DHX16: variants seen among roughly 807,000 people sequenced by gnomAD.
DHX16 encodes DEAH-box helicase 16.
A neutral mutation model predicts 131.2 loss-of-function variants in DHX16; 81 were observed. The observed-to-expected ratio is 0.62, with a 90% CI of 0.52 to 0.74. DHX16 has a LOEUF of 0.74. Ranked by LOEUF, DHX16 falls within the 30% of genes least tolerant of loss-of-function variation. The pLI is 0.00. For synonymous variants in DHX16, 440 were observed against 520.2 expected (o/e 0.85, Z 2.10); for missense variants, 980 against 1,363.1 (o/e 0.72, Z 4.43).
chr6:30,665,775 G>A lies in DHX16; in HGVS notation c.667-42C>T, dbSNP rs1379434401. On this transcript the variant is annotated intron_variant, in intron 4 of 19. Coordinates refer to ENST00000376442, the MANE Select transcript of DHX16 (RefSeq NM_003587.5). The surrounding 1 kb of genome is among the most constrained non-coding windows in gnomAD (Gnocchi z 4.8). ...CAGTCGAATCCTCATCTTGCTGGAGGAGCAACCCCTTTCTCTACCAATCCC... is the reference window on the plus strand; with the variant it reads ...CAGTCGAATCCTCATCTTGCTGGAGAAGCAACCCCTTTCTCTACCAATCCC... 2.5e-6 allele frequency: 4 copies of A among 1,584,504 alleles called. No homozygotes were observed. The highest frequency in any genetic ancestry group is 1.7e-4 in the Middle Eastern group (1 of 5,980).
chr6:30,655,367 T>G (rs781539950), intron 17 of DHX16, 31 bp from the exon 18 acceptor site: 3 of 1,613,630 alleles, frequency 1.9e-6, no homozygotes, highest in South Asian at 1.1e-5. Context: ...AAAGGAGAGA[T>G]AATTAAGTAT....
At position 30,664,995 on chromosome 6, in the gene DHX16, A is replaced by G. The variant is rs367757181; in HGVS notation, c.1126-3T>C. 1.1e-4 allele frequency: 174 copies of G among 1,613,724 alleles called. No homozygotes were observed. Among genetic ancestry groups the G allele is most frequent in the Non-Finnish European group, 1.4e-4 (165 of 1,179,822 alleles). Reference sequence around the variant, plus strand: ...GAAGTGGGTGGAGCTGACGGCTCCTAAGGAAAGAGAAGGAGGTGTGAGCTA... The same window carrying G: ...GAAGTGGGTGGAGCTGACGGCTCCTGAGGAAAGAGAAGGAGGTGTGAGCTA... On this transcript the variant is annotated splice_polypyrimidine_tract_variant and splice_region_variant and intron_variant, in intron 6 of 19. Coordinates refer to ENST00000376442, the MANE Select transcript of DHX16 (RefSeq NM_003587.5).
intron 4 of DHX16, among the ~76,000 whole-genome samples, chr6:30,667,321 G>A (rs1413973147): frequency 6.6e-6 from 1 of 152,088 alleles, no homozygotes; most frequent in Admixed American, 6.5e-5. Context: ...GGTGGCTCAC[G>A]CCTGTAATCC....
At chr6:30,664,736 C>T in intron 7 of DHX16, 65 bp downstream of exon 7, 1 of 1,415,022 alleles carries the variant, frequency 7.1e-7, no homozygotes, top group Non-Finnish European at 9.7e-7. Context: ...GTAAAAGGAG[C>T]TCTGACAGGA....
Position 30,653,189 on chromosome 6 carries a change from A to G in DHX16, c.*53T>C. On this transcript the variant is annotated 3_prime_UTR_variant, in exon 20 of 20. Coordinates refer to ENST00000376442, the MANE Select transcript of DHX16 (RefSeq NM_003587.5). ...AATAATTTTATTTAATAGGTATTAA[A>G]TAATGTATAGAAGGAAAAGGAGCTG... The G allele has an allele frequency of 1.3e-6, 2 of 1,575,074 alleles. No individual in the cohort carries two copies. Among genetic ancestry groups the G allele is most frequent in the Non-Finnish European group, 1.7e-6 (2 of 1,165,740 alleles).
At position 30,672,878 on chromosome 6, in the gene DHX16, C is replaced by T. The variant is rs1215661503; in HGVS notation, c.-37G>A. ...CTCCCTGCTCCCGGCCCTGAAGCGT[C>T]GGGCAGCCGCGCTCACTGCTGGGCC... On this transcript the variant is annotated 5_prime_UTR_variant, in exon 1 of 20. Coordinates refer to ENST00000376442, the MANE Select transcript of DHX16 (RefSeq NM_003587.5). The T allele has an allele frequency of 6.2e-7, 1 of 1,607,554 alleles. No individual in the cohort carries two copies. The highest frequency in any genetic ancestry group is 8.5e-7 in the Non-Finnish European group (1 of 1,177,246).
chr6:30,672,266 C>T (rs1769630953), intron 1 of DHX16, among the ~76,000 whole-genome samples: 1 of 151,526 alleles, frequency 6.6e-6, no homozygotes, highest in African/African-American at 2.4e-5. Context: ...CTGTAGTGAG[C>T]CGTGATCTTA....
At chr6:30,661,248 A>G (rs920197033) in intron 9 of DHX16, among the ~76,000 whole-genome samples, 2 of 152,054 alleles carry the variant, frequency 1.3e-5, no homozygotes, top group African/African-American at 4.8e-5. Context: ...ACGCCCAGCT[A>G]ATTTTTTATA....
At position 30,659,472 on chromosome 6, in the gene DHX16, C is replaced by A. The variant is rs1430871068; in HGVS notation, c.2007G>T (p.Lys669Asn). 9 of 1,587,012 alleles carry A rather than the reference C, an allele frequency of 5.7e-6. No homozygotes were observed. Among genetic ancestry groups the A allele is most frequent in the Admixed American group, 5.4e-5 (3 of 55,476 alleles). Reference sequence around the variant, plus strand: ...AAGAGTGTGGGTTTCTCCAACTGACCTTTCGTGCCCCAGGTGGTGTGGGCT... The same window carrying A: ...AAGAGTGTGGGTTTCTCCAACTGACATTTCGTGCCCCAGGTGGTGTGGGCT... ...IFQPTPPGARKVVVATNIAET... is the reference protein window; with the variant it reads ...IFQPTPPGARNVVVATNIAET... Residue 669 changes from lysine to asparagine, a missense_variant and splice_region_variant, in exon 12 of 20, where the codon AAG becomes AAT. Physicochemically the swap from Lys to Asn is moderately conservative, Grantham distance 94. Around this residue, in one of 3 missense-constraint regions of DHX16, gnomAD observed 309 missense variants for 537.1 expected, o/e 0.58. Coordinates refer to ENST00000376442, the MANE Select transcript of DHX16 (RefSeq NM_003587.5).
chr6:30,663,102 T>C, intron 7 of DHX16, 81 bp from the exon 8 acceptor site: 2 of 1,172,598 alleles, frequency 1.7e-6, no homozygotes, highest in South Asian at 2.9e-5. Context: ...GAGAAAGAAG[T>C]TGTAAAAACC....
intron 1 of DHX16, among the ~76,000 whole-genome samples, chr6:30,672,009 G>C (rs1374516051): frequency 2.0e-4 from 30 of 151,424 alleles, no homozygotes; most frequent in Admixed American, 2.0e-3. Context: ...CGACTGAAAG[G>C]AAGTTCAGAA....
At position 30,672,985 on chromosome 6, in the gene DHX16, C is replaced by G. The variant is rs969040168; in HGVS notation, c.-144G>C. 2 of 1,551,134 alleles carry G rather than the reference C, an allele frequency of 1.3e-6. No individual in the cohort carries two copies. The highest frequency in any genetic ancestry group is 1.7e-6 in the Non-Finnish European group (2 of 1,146,914). On this transcript the variant is annotated 5_prime_UTR_variant, in exon 1 of 20. Transcript: ENST00000376442. ...GGACCTCTAGGATCTTCCGACATCC[C>G]AAAGCTGTCTTCCCGTACCGCGGAG... is the stretch of plus-strand genomic sequence containing the variant.
chr6:30,672,016 A>G (rs537237316), intron 1 of DHX16, among the ~76,000 whole-genome samples: 8 of 151,720 alleles, frequency 5.3e-5, no homozygotes, highest in Non-Finnish European at 7.4e-5. Context: ...AAGGAAGTTC[A>G]GAAGATGAGG....
rs754814764 is a variant in DHX16, at chr6:30,656,583, G to A, written c.2311+14C>T. On this transcript the variant is annotated intron_variant, in intron 14 of 19. Coordinates refer to ENST00000376442, the MANE Select transcript of DHX16 (RefSeq NM_003587.5). This position sits in a 1 kb window ranked among gnomAD's most constrained non-coding sequence, Gnocchi z 5.1. ...ACTCCAGCCCCTCCCTCCTCTCTCA[G>A]GTAGCCCAATCACCTAAGCTCTTGA... 1.2e-5 allele frequency: 20 copies of A among 1,614,018 alleles called. No homozygotes were observed. The highest frequency in any genetic ancestry group is 8.5e-7 in the Non-Finnish European group (1 of 1,180,032).
At chr6:30,666,356 T>G (rs1219343114) in intron 4 of DHX16, among the ~76,000 whole-genome samples, 1 of 152,238 alleles carries the variant, frequency 6.6e-6, no homozygotes, top group Non-Finnish European at 1.5e-5. Context: ...TCTCACTTAG[T>G]TTCTACACAT....
At position 30,662,953 on chromosome 6, in the gene DHX16, G is replaced by C; in HGVS notation, c.1386C>G (p.Ala462=). The change falls in exon 8 of 20, where the codon GCC becomes GCG. Residue 462 remains alanine, a synonymous_variant. Transcript: ENST00000376442. The surrounding 1 kb of genome is among the most constrained non-coding windows in gnomAD (Gnocchi z 4.7). ...CACCCATCTCCCGGGCCACTCGGGC[G>C]GCCACACTCATGGCAGCCACTCTCC... is the stretch of plus-strand genomic sequence containing the variant. ...QPRRVAAMSV[A]ARVAREMGVK... 1 of 1,613,250 alleles carries C rather than the reference G, an allele frequency of 6.2e-7. No individual in the cohort carries two copies. The highest frequency in any genetic ancestry group is 1.3e-5 in the African/African-American group (1 of 74,996).
Position 30,659,377 on chromosome 6 carries a change from G to A in DHX16, c.2007+95C>T, listed in dbSNP as rs531029890. On this transcript the variant is annotated intron_variant, in intron 12 of 19. Coordinates refer to ENST00000376442, the MANE Select transcript of DHX16 (RefSeq NM_003587.5). Reference sequence around the variant, plus strand: ...CTGCTCCTCAGCTGTGTGCAGCAGTGCGCAGGACTCACCTTGCATGGGGCA... The same window carrying A: ...CTGCTCCTCAGCTGTGTGCAGCAGTACGCAGGACTCACCTTGCATGGGGCA... 165 of 1,328,816 alleles carry A rather than the reference G, an allele frequency of 1.2e-4. No homozygotes were observed. The African/African-American group carries it at 2.2e-3, about 18-fold the overall frequency. The allele number at this position is 1,328,816 out of a possible 1,614,324, so 82.3% of individuals were successfully genotyped here.
rs1769521985 is a variant in DHX16, at chr6:30,671,263, C to T, written c.219G>A (p.Lys73=). The T allele has an allele frequency of 4.3e-6, 7 of 1,612,894 alleles. No homozygotes were observed. In the South Asian group the frequency reaches 7.7e-5, roughly 18 times the overall value. Residue 73 remains lysine (K), a synonymous_variant, in exon 2 of 20, where the codon AAG becomes AAA. Transcript: ENST00000376442. The part of the protein sequence containing the change: ...ALRLWNKVPR[K]AVVEKPARAA... ...CCCGAGCTGGCTTTTCTACCACTGC[C>T]TTTCGTGGTACCTGTCAGTAGAGGG...
rs1353972462 is a variant in DHX16 at position 30,670,988 on chromosome 6, A to G, written c.447-36T>C. The G allele has an allele frequency of 6.2e-7, 1 of 1,613,034 alleles. No homozygotes were observed. The highest frequency in any genetic ancestry group is 8.5e-7 in the Non-Finnish European group (1 of 1,179,972). Reference sequence around the variant, plus strand: ...TCCAGGGGATTAAATAAGGGCATAGAGAACACTTCAGCCTGCCCCATCCTC... The same window carrying G: ...TCCAGGGGATTAAATAAGGGCATAGGGAACACTTCAGCCTGCCCCATCCTC... On this transcript the variant is annotated intron_variant, in intron 2 of 19. Transcript: ENST00000376442. This position sits in a 1 kb window ranked among gnomAD's most constrained non-coding sequence, Gnocchi z 4.4.
Sources: allele counts gnomAD v4.1 joint callset (sites outside exome capture counted in the v4.1 genomes callset), GRCh38; gene constraint gnomAD v4.1.1; regional missense constraint gnomAD v4.1.1; non-coding constraint Gnocchi (gnomAD v3.1); transcripts MANE v1.5; gene names NCBI Gene and HGNC (gene_info 2026-07-23, HGNC 2026-07-21).